GAA: variants seen among roughly 807,000 people sequenced by gnomAD.
The protein encoded by GAA is lysosomal alpha-glucosidase.
GAA carries 88 observed loss-of-function variants against 103.9 expected under a neutral mutation model. The ratio of observed to expected loss-of-function variants is 0.85; its 90% CI spans 0.71 to 1.01. The LOEUF (loss-of-function observed/expected upper bound fraction) is 1.01. Ranked by LOEUF, GAA falls within the 50% of genes least tolerant of loss-of-function variation. The probability of loss-of-function intolerance (pLI) is 0.00; values close to 1 mark genes in which losing one functional copy is unlikely to be tolerated. For synonymous variants in GAA, 572 were observed against 563.1 expected (o/e 1.02, Z -0.22); for missense variants, 1,350 against 1,305.3 (o/e 1.03, Z -0.53).
At position 80,109,983 on chromosome 17, in the gene GAA, C is replaced by T. The variant is rs1467519362; in HGVS notation, c.1365C>T (p.Tyr455=). 1.9e-6 allele frequency: 3 copies of T among 1,613,426 alleles called. No homozygotes were observed. The South Asian group carries it at 3.3e-5, about 18-fold the overall frequency. ...GCAGCTCGGGCCCTGCCGGGAGCTA[C>T]AGGCCCTACGACGAGGGTCTGCGGA... The part of the protein sequence containing the change: ...AISSSGPAGS[Y]RPYDEGLRRG... The change falls in exon 9 of 20, where the codon TAC becomes TAT. Residue 455 remains tyrosine (Y), a synonymous_variant. Coordinates refer to ENST00000302262, the MANE Select transcript of GAA (RefSeq NM_000152.5).
rs2039255543 is a variant in GAA, at chr17:80,112,293, C to T, written c.1754+193C>T. 3 of 668,042 alleles carry T rather than the reference C, an allele frequency of 4.5e-6. No homozygotes were observed. The South Asian group carries it at 5.3e-5, about 12-fold the overall frequency. 41.4% of individuals were successfully genotyped at this position (668,042 alleles called of 1,614,324 possible). ...CTGGAGCGCTCCTTCCCACTTCATG[C>T]CTGGGGCTTGGAGAGGAAGGACCCT... On this transcript the variant is annotated intron_variant, in intron 12 of 19. Transcript: ENST00000302262.
At position 80,111,005 on chromosome 17, in the gene GAA, A is replaced by T; in HGVS notation, c.1616A>T (p.Glu539Val). The T allele has an allele frequency of 6.2e-7, 1 of 1,613,886 alleles. No individual in the cohort carries two copies. The highest frequency in any genetic ancestry group is 8.5e-7 in the Non-Finnish European group (1 of 1,179,976). ...SEDGCPNNEL[E>V]NPPYVPGVVG... ...GACGGCTGCCCCAACAATGAGCTGG[A>T]GAACCCACCCTACGTGCCTGGTCAG... is the stretch of plus-strand genomic sequence containing the variant. The change falls in exon 11 of 20, where the codon GAG becomes GTG. Residue 539 changes from glutamate (E) to valine (V), a missense_variant. By Grantham distance (121) the Glu-to-Val change is moderately radical. Transcript: ENST00000302262.
intron 17 of GAA, 64 bp downstream of exon 17, chr17:80,117,813 AG>A (rs2039391537): frequency 6.6e-7 from 1 of 1,513,610 alleles, no homozygotes; most frequent in South Asian, 1.2e-5. Flanking sequence ...GGGGAGGCAC[AG>A]GGAGATGGTG....
At chr17:80,117,337 G>C (rs2039377834) in intron 16 of GAA, among the ~76,000 whole-genome samples, 2 of 152,174 alleles carry the variant, frequency 1.3e-5, no homozygotes, top group Admixed American at 1.3e-4. Context: ...TGCAGAACCT[G>C]GCCAAGTCCC....
intron 2 of GAA, 101 bp from the exon 3 acceptor site, chr17:80,105,648 T>C (rs2039064888): frequency 3.6e-6 from 5 of 1,375,910 alleles, no homozygotes; most frequent in East Asian, 2.3e-5. Flanking sequence ...CCCACATCCA[T>C]GTGTGGCTGC....
At chr17:80,116,509 T>C (rs1486819891) in intron 15 of GAA, among the ~76,000 whole-genome samples, 1 of 152,258 alleles carries the variant, frequency 6.6e-6, no homozygotes, top group Non-Finnish European at 1.5e-5. Flanking sequence ...GAATCCTCCG[T>C]AGAGCTGCTT....
chr17:80,109,134 G>A (rs762220748), intron 8 of GAA, among the ~76,000 whole-genome samples: 16 of 152,202 alleles, frequency 1.1e-4, no homozygotes, highest in Non-Finnish European at 1.6e-4. Context: ...CCTGGAAAGT[G>A]GAGGGCCCGG....
At chr17:80,107,764 C>G (rs551335903) in intron 4 of GAA, 36 bp from the exon 5 acceptor site, 2 of 1,609,470 alleles carry the variant, frequency 1.2e-6, no homozygotes, top group Non-Finnish European at 1.7e-6. Context: ...AGCTGGGGAG[C>G]GCAGGTGCTG....
chr17:80,115,806 T>G (rs1415147645), intron 15 of GAA, among the ~76,000 whole-genome samples: 1 of 152,194 alleles, frequency 6.6e-6, no homozygotes, highest in African/African-American at 2.4e-5. Flanking sequence ...GCCACCAAAG[T>G]CTCTGCTTGA....
rs923989221 is a variant in GAA, at chr17:80,117,731, G to T, written c.2463G>T (p.Gly821=). ...LDTINVHLRA[G]YIIPLQGPGL... ...CCATCAACGTCCACCTCCGGGCTGG[G>T]TACATCATCCCCCTGCAGGTACCTG... is the stretch of plus-strand genomic sequence containing the variant. Residue 821 remains glycine (G), a synonymous_variant, in exon 17 of 20, where the codon GGG becomes GGT. Coordinates refer to ENST00000302262, the MANE Select transcript of GAA (RefSeq NM_000152.5). The T allele has an allele frequency of 2.5e-6, 4 of 1,610,490 alleles. No individual in the cohort carries two copies. In the Admixed American group the frequency reaches 5.0e-5, roughly 20 times the overall value.
At chr17:80,103,307 G>C (rs1348832974) in intron 1 of GAA, among the ~76,000 whole-genome samples, 1 of 152,190 alleles carries the variant, frequency 6.6e-6, no homozygotes, top group Non-Finnish European at 1.5e-5. Context: ...CCCCTCTGAT[G>C]GCTGACTTTG....
intron 2 of GAA, 114 bp from the exon 3 acceptor site, chr17:80,105,635 G>A (rs766107813): frequency 6.1e-5 from 77 of 1,269,830 alleles, no homozygotes; most frequent in Middle Eastern, 2.3e-4. Flanking sequence ...TGCTGCCCAT[G>A]GTCCCACATC....
At chr17:80,117,845 C>A in intron 17 of GAA, 96 bp downstream of exon 17, 1 of 1,303,912 alleles carries the variant, frequency 7.7e-7, no homozygotes, top group Non-Finnish European at 1.0e-6. Flanking sequence ...CCAGGTGGGG[C>A]TTCTGAGGGG....
At chr17:80,112,745 G>C in intron 13 of GAA, 34 bp downstream of exon 13, 1 of 1,592,196 alleles carries the variant, frequency 6.3e-7, no homozygotes. Flanking sequence ...GCTCAGCAGA[G>C]TAGAGCCGGG....
In GAA at chr17:80,119,678, C is replaced by T. The variant is rs1336349953; in HGVS notation, c.*347C>T. The T allele has an allele frequency of 3.3e-5, 12 of 359,730 alleles. 1 individual carries two copies. The highest frequency in any genetic ancestry group is 2.5e-4 in the South Asian group (11 of 44,718). 22.3% of individuals were successfully genotyped at this position (359,730 alleles called of 1,614,324 possible). On this transcript the variant is annotated 3_prime_UTR_variant, in exon 20 of 20. Transcript: ENST00000302262. ...GTTCCCAGCACCGGAGAAGGGGGTGCTCAGGTGGAGGTGTGGGGTATGCAC... is the reference window on the plus strand; with the variant it reads ...GTTCCCAGCACCGGAGAAGGGGGTGTTCAGGTGGAGGTGTGGGGTATGCAC...
rs1271974337 is a variant in GAA, at chr17:80,119,548, G to A, written c.*217G>A. On this transcript the variant is annotated 3_prime_UTR_variant, in exon 20 of 20. Coordinates refer to ENST00000302262, the MANE Select transcript of GAA (RefSeq NM_000152.5). ...GAGAGCTTTCTCCCTAGATCGCACT[G>A]TGGGCCGGGGCCCTGGAGGGCTGCT... The A allele has an allele frequency of 1.7e-6, 1 of 587,728 alleles. No homozygotes were observed. Among genetic ancestry groups the A allele is most frequent in the South Asian group, 1.9e-5 (1 of 53,572 alleles). 36.4% of individuals were successfully genotyped at this position (587,728 alleles called of 1,614,324 possible). A position where few individuals can be genotyped will look rare whatever the true frequency, so the allele number is the denominator to read the frequency against.
Position 80,107,708 on chromosome 17 carries a change from G to T in GAA, c.844G>T (p.Asp282Tyr). The change falls in exon 4 of 20, where the codon GAC becomes TAC. Residue 282 changes from aspartate to tyrosine, a missense_variant. Transcript: ENST00000302262. Reference protein sequence around the residue: ...SWTRITLWNRDLAPTPGANLY... With the variant: ...SWTRITLWNRYLAPTPGANLY... ...GACCAGGATCACCCTGTGGAACCGG[G>T]ACCTTGCGCCCACGGTACAGCGGCG... 4 of 1,609,884 alleles carry T rather than the reference G, an allele frequency of 2.5e-6. No homozygotes were observed. Among genetic ancestry groups the T allele is most frequent in the East Asian group, 2.2e-5 (1 of 44,750 alleles).
chr17:80,107,926 C>A (rs749671345), intron 5 of GAA, 30 bp downstream of exon 5: 1 of 1,570,412 alleles, frequency 6.4e-7, no homozygotes, highest in East Asian at 2.3e-5. Context: ...GCGCCCGGGC[C>A]GGGGTCTCCT....
At position 80,108,601 on chromosome 17, in the gene GAA, C is replaced by G. The variant is rs756126944; in HGVS notation, c.1188C>G (p.Phe396Leu). The change falls in exon 7 of 20, where the codon TTC (phenylalanine) becomes TTG (leucine). Residue 396 changes from phenylalanine to leucine, a missense_variant. Coordinates refer to ENST00000302262, the MANE Select transcript of GAA (RefSeq NM_000152.5). ...QVVENMTRAH[F>L]PLDVQWNDLD... ...TGGAGAACATGACCAGGGCCCACTT[C>G]CCCCTGGTGAGTTGGGGTGGTGGCA... is the stretch of plus-strand genomic sequence containing the variant. 3.7e-5 allele frequency: 59 copies of G among 1,612,606 alleles called. No individual in the cohort carries two copies. Among genetic ancestry groups the G allele is most frequent in the Non-Finnish European group, 4.4e-5 (52 of 1,179,886 alleles).
Sources: allele counts gnomAD v4.1 joint callset (sites outside exome capture counted in the v4.1 genomes callset), GRCh38; gene constraint gnomAD v4.1.1; transcripts MANE v1.5; gene names NCBI Gene and HGNC (gene_info 2026-07-23, HGNC 2026-07-21).